The following DNAAF9 variants were observed in gnomAD, a reference collection of about 807,000 sequenced individuals.
The protein encoded by DNAAF9 is shulin.
Under a neutral mutation model 167.0 loss-of-function variants are expected in DNAAF9, and 90 were observed. That is an observed-to-expected ratio of 0.54 (90% CI 0.45 to 0.64). DNAAF9 has a LOEUF of 0.64. Ranked by LOEUF, DNAAF9 falls within the 30% of genes least tolerant of loss-of-function variation. The probability of loss-of-function intolerance (pLI) is 0.00; values close to 1 mark genes in which losing one functional copy is unlikely to be tolerated. For missense variants in DNAAF9, 1,315 were observed against 1,442.2 expected, an observed-to-expected ratio of 0.91 and a Z score of 1.43; for synonymous variants, 491 against 508.8, an observed-to-expected ratio of 0.96 and a Z score of 0.47.
intron 2 of DNAAF9, 81 bp downstream of exon 2, chr20:3,382,346 C>T (rs998035596): frequency 9.9e-7 from 1 of 1,005,124 alleles, no homozygotes; most frequent in East Asian, 2.4e-5. Flanking sequence ...TTTCACATTG[C>T]TACTATTACT....
chr20:3,339,028 C>T (rs1374571309), intron 10 of DNAAF9, among the ~76,000 whole-genome samples: 1 of 151,958 alleles, frequency 6.6e-6, no homozygotes, highest in African/African-American at 2.4e-5. Context: ...TTCTATTGAC[C>T]AATGTCACGC....
intron 3 of DNAAF9, 88 bp from the exon 4 acceptor site, chr20:3,376,390 AACT>A: frequency 9.3e-7 from 1 of 1,080,726 alleles, no homozygotes; most frequent in Non-Finnish European, 1.3e-6. Flanking sequence ...AAACCATTGA[AACT>A]ACTTCAGAGA....
intron 26 of DNAAF9, among the ~76,000 whole-genome samples, chr20:3,288,514 A>G (rs1186869397): frequency 2.0e-5 from 3 of 152,212 alleles, no homozygotes; most frequent in African/African-American, 7.2e-5. Context: ...AACACTAGAC[A>G]CGAGGAACTG....
At chr20:3,295,559 C>G (rs192264178) in intron 23 of DNAAF9, 8 of 355,112 alleles carry the variant, frequency 2.3e-5, no homozygotes, top group Admixed American at 1.1e-4. Flanking sequence ...TGAGCAGTCA[C>G]GAAGATGGTC....
At chr20:3,349,206 A>C (rs1411758704) in intron 7 of DNAAF9, among the ~76,000 whole-genome samples, 6 of 147,532 alleles carry the variant, frequency 4.1e-5, no homozygotes, top group Admixed American at 1.3e-4. Flanking sequence ...AAAAAAAACA[A>C]AAAAAAAAAA....
At chr20:3,326,587 A>T (rs1410513894) in intron 12 of DNAAF9, among the ~76,000 whole-genome samples, 3 of 151,898 alleles carry the variant, frequency 2.0e-5, no homozygotes, top group Admixed American at 1.3e-4. Flanking sequence ...AAAATAAATA[A>T]AAATAAAATT....
chr20:3,264,459 C>A lies in DNAAF9; in HGVS notation c.2852G>T (p.Arg951Leu). ...SFSSPEMLRS[R>L]YLMYPGWYEG... ...TTGCCAGCCAGGATACATTAAATAT[C>A]GAGATCGTAGCATCTCAGGACTTGA... The change falls in exon 31 of 37, where the codon CGA (arginine) becomes CTA (leucine). Residue 951 changes from arginine to leucine, a missense_variant. By Grantham distance (102) the Arg-to-Leu change is moderately radical. This residue lies in a region of DNAAF9 where 334 missense variants were observed against 429.7 expected (regional missense o/e 0.78). Transcript: ENST00000252032. 1 of 1,520,384 alleles carries A rather than the reference C, an allele frequency of 6.6e-7. No individual in the cohort carries two copies. The highest frequency in any genetic ancestry group is 9.1e-7 in the Non-Finnish European group (1 of 1,095,028). 94.2% of individuals were successfully genotyped at this position (1,520,384 alleles called of 1,614,324 possible). A position where few individuals can be genotyped will look rare whatever the true frequency, so the allele number is the denominator to read the frequency against.
chr20:3,384,930 T>C (rs1167150810), intron 1 of DNAAF9, among the ~76,000 whole-genome samples: 1 of 152,078 alleles, frequency 6.6e-6, no homozygotes, highest in Non-Finnish European at 1.5e-5. Flanking sequence ...ACACTCAGAA[T>C]TGATGGATAT....
At chr20:3,269,655 G>A (rs750257367) in intron 30 of DNAAF9, among the ~76,000 whole-genome samples, 1 of 152,070 alleles carries the variant, frequency 6.6e-6, no homozygotes, top group Non-Finnish European at 1.5e-5. Context: ...GATTTTTACA[G>A]AGCATCTAAA....
At chr20:3,321,705 G>T (rs144840963) in intron 16 of DNAAF9, among the ~76,000 whole-genome samples, 1 of 152,092 alleles carries the variant, frequency 6.6e-6, no homozygotes. Flanking sequence ...AGGAGGTCGG[G>T]CTACAGGTGC....
chr20:3,395,558 G>C (rs2083896044), intron 1 of DNAAF9, among the ~76,000 whole-genome samples: 1 of 152,128 alleles, frequency 6.6e-6, no homozygotes, highest in South Asian at 2.1e-4. Context: ...GGGGTTACAG[G>C]TGTGAGCCAC....
At position 3,299,282 on chromosome 20, in the gene DNAAF9, G is replaced by A. The variant is rs116014672; in HGVS notation, c.1783-1107C>T. On this transcript the variant is annotated intron_variant, in intron 21 of 36. Transcript: ENST00000252032. ...GGTCAAACTTCATTCTTTTGCACAC[G>A]GATATCTAGTTTTCCCAGCACCTTT... Among the ~76,000 whole-genome samples, 622 of 152,140 alleles carry A rather than the reference G, an allele frequency of 4.1e-3. 8 individuals carry two copies. Among genetic ancestry groups the A allele is most frequent in the African/African-American group, 0.014 (593 of 41,500 alleles).
chr20:3,345,891 C>T (rs1208394070), intron 8 of DNAAF9, among the ~76,000 whole-genome samples: 3 of 151,844 alleles, frequency 2.0e-5, no homozygotes, highest in Non-Finnish European at 4.4e-5. Flanking sequence ...GCCGAGATCG[C>T]GCCACTGCAC....
At chr20:3,329,116 C>A (rs149423025) in intron 12 of DNAAF9, among the ~76,000 whole-genome samples, 1 of 151,982 alleles carries the variant, frequency 6.6e-6, no homozygotes, top group Non-Finnish European at 1.5e-5. Flanking sequence ...GTGATCCACC[C>A]GCCTTGGCCT....
intron 27 of DNAAF9, among the ~76,000 whole-genome samples, chr20:3,283,536 G>A (rs762547122): frequency 3.5e-4 from 54 of 152,176 alleles, no homozygotes; most frequent in Non-Finnish European, 7.2e-4. Flanking sequence ...GACCACACGC[G>A]GCTCTTTCCA....
At chr20:3,332,199 T>G in intron 11 of DNAAF9, 81 bp downstream of exon 11, 1 of 769,526 alleles carries the variant, frequency 1.3e-6, no homozygotes, top group Non-Finnish European at 2.2e-6. Flanking sequence ...AGCAAAGTAG[T>G]GAATTGTATG....
chr20:3,388,401 T>C (rs2083780616), intron 1 of DNAAF9, among the ~76,000 whole-genome samples: 1 of 152,152 alleles, frequency 6.6e-6, no homozygotes, highest in Non-Finnish European at 1.5e-5. Flanking sequence ...GTTCTGGGTA[T>C]AAATTCCAAA....
chr20:3,281,790 A>C, intron 27 of DNAAF9, 24 bp from the exon 28 acceptor site: 1 of 1,600,170 alleles, frequency 6.2e-7, no homozygotes, highest in Non-Finnish European at 8.5e-7. Context: ...AAAAGGAATG[A>C]TTAGTTCACT....
intron 6 of DNAAF9, among the ~76,000 whole-genome samples, chr20:3,368,113 T>C (rs1453334121): frequency 1.3e-5 from 2 of 152,142 alleles, no homozygotes; most frequent in African/African-American, 4.8e-5. Flanking sequence ...ATGACTGCAC[T>C]GATCAGTATT....
Sources: gnomAD v4.1 joint callset for allele counts (sites outside exome capture counted in the v4.1 genomes callset) on GRCh38, gnomAD v4.1.1 for gene constraint, gnomAD v4.1.1 regional missense constraint, MANE v1.5 for transcripts, NCBI Gene and HGNC (gene_info 2026-07-23, HGNC 2026-07-21) for gene names.